GKAP1: variants seen among roughly 807,000 people sequenced by gnomAD.
GKAP1 encodes G kinase anchoring protein 1.
GKAP1 carries 31 observed loss-of-function variants against 56.7 expected under a neutral mutation model. The observed-to-expected ratio is 0.55, with a 90% CI of 0.41 to 0.74. The LOEUF is 0.74. GKAP1 is among the 30% of genes least tolerant of loss of function. GKAP1 has a pLI of 0.00. For synonymous variants in GKAP1, 151 were observed against 138.6 expected (o/e 1.09, Z -0.63); for missense variants, 364 against 402.3 (o/e 0.90, Z 0.82).
At chr9:83,776,386 A>T (rs1943862627) in intron 7 of GKAP1, among the ~76,000 whole-genome samples, 1 of 152,114 alleles carries the variant, frequency 6.6e-6, no homozygotes, top group South Asian at 2.1e-4. Flanking sequence ...TAATAACCTA[A>T]AAAAAAGAAA....
intron 10 of GKAP1, among the ~76,000 whole-genome samples, chr9:83,744,891 G>A (rs1564186898): frequency 6.6e-6 from 1 of 152,290 alleles, no homozygotes; most frequent in East Asian, 1.9e-4. Flanking sequence ...AAAGGGGGAA[G>A]CCTCTTATAA....
chr9:83,763,753 C>T (rs1265727557), intron 8 of GKAP1, among the ~76,000 whole-genome samples: 2 of 152,198 alleles, frequency 1.3e-5, no homozygotes, highest in South Asian at 4.1e-4. Context: ...TGAGTGCATA[C>T]TGTGGAAAAC....
chr9:83,792,911 C>A, intron 4 of GKAP1: 1 of 591,226 alleles, frequency 1.7e-6, no homozygotes, highest in Non-Finnish European at 2.3e-6. Context: ...GAGGAAATAG[C>A]AGGCACTAAA....
chr9:83,806,601 A>AC, intron 2 of GKAP1, 41 bp from the exon 3 acceptor site: 1 of 1,119,304 alleles, frequency 8.9e-7, no homozygotes. Context: ...GTAAACAAAC[A>AC]GAGTAAAATC....
Position 83,812,184 on chromosome 9 carries a change from T to TATATATATACAC in GKAP1, c.-44+4800_-44+4811dup, listed in dbSNP as rs553885518. 6.1e-3 allele frequency among the ~76,000 whole-genome samples: 911 copies of TATATATATACAC among 150,080 alleles called. 4 individuals are homozygous for TATATATATACAC. Among genetic ancestry groups the TATATATATACAC allele is most frequent in the South Asian group, 0.014 (65 of 4,776 alleles). ...AAATATTCTACAATGACTATATAAA[T>TATATATATACAC]ATATATATACACATATATATACACA... On this transcript the variant is annotated intron_variant, in intron 2 of 12. Coordinates refer to ENST00000376371, the MANE Select transcript of GKAP1 (RefSeq NM_025211.4).
intron 2 of GKAP1, among the ~76,000 whole-genome samples, chr9:83,815,034 T>C (rs368777885): frequency 6.6e-6 from 1 of 152,090 alleles, no homozygotes; most frequent in Non-Finnish European, 1.5e-5. Flanking sequence ...TAGCTGGGCA[T>C]GGTGGCGCAC....
chr9:83,777,346 C>G (rs968102878), intron 7 of GKAP1, among the ~76,000 whole-genome samples: 17 of 152,072 alleles, frequency 1.1e-4, no homozygotes, highest in Admixed American at 9.8e-4. Flanking sequence ...ATGAGATACC[C>G]TTCCTAACAG....
intron 8 of GKAP1, among the ~76,000 whole-genome samples, chr9:83,765,740 C>T (rs1031133285): frequency 6.6e-6 from 1 of 152,144 alleles, no homozygotes; most frequent in African/African-American, 2.4e-5. Context: ...GCCTGTAGCC[C>T]CTCTGTTTTG....
chr9:83,804,948 A>C (rs1250733250), intron 3 of GKAP1, among the ~76,000 whole-genome samples: 1 of 151,736 alleles, frequency 6.6e-6, no homozygotes, highest in Admixed American at 6.6e-5. Context: ...CTGCCCGGCC[A>C]CCACCCCATC....
chr9:83,797,895 A>G (rs1944273047), intron 4 of GKAP1, among the ~76,000 whole-genome samples: 2 of 152,236 alleles, frequency 1.3e-5, no homozygotes, highest in African/African-American at 4.8e-5. Flanking sequence ...CTAAACAAGT[A>G]GATCATCAAA....
chr9:83,784,021 T>A (rs1312014292), intron 6 of GKAP1, among the ~76,000 whole-genome samples: 1 of 149,782 alleles, frequency 6.7e-6, no homozygotes, highest in Admixed American at 6.6e-5. Context: ...TCCCAGCAGT[T>A]TGGGAGGCCA....
intron 11 of GKAP1, 38 bp downstream of exon 11, chr9:83,742,492 T>C: frequency 1.4e-6 from 2 of 1,397,854 alleles, no homozygotes; most frequent in Non-Finnish European, 2.0e-6. Flanking sequence ...TAAAGACAGC[T>C]TAAGAAAACC....
chr9:83,781,206 T>TA (rs1258780645), intron 6 of GKAP1, among the ~76,000 whole-genome samples: 1 of 151,948 alleles, frequency 6.6e-6, no homozygotes, highest in Non-Finnish European at 1.5e-5. Context: ...CTACTAAAAA[T>TA]AAAAAAACTA....
intron 10 of GKAP1, among the ~76,000 whole-genome samples, chr9:83,746,731 A>T (rs1316546474): frequency 6.6e-6 from 1 of 151,652 alleles, no homozygotes; most frequent in Non-Finnish European, 1.5e-5. Context: ...ATTTAAAAAA[A>T]TCACCTCTAG....
intron 10 of GKAP1, among the ~76,000 whole-genome samples, chr9:83,743,286 T>C (rs1247740533): frequency 6.6e-6 from 1 of 152,114 alleles, no homozygotes; most frequent in Non-Finnish European, 1.5e-5. Flanking sequence ...TATAAATACC[T>C]TGACTAATCT....
chr9:83,779,555 A>G lies in GKAP1; in HGVS notation c.585+827T>C, dbSNP rs201383060. ...TATGTGTATATATATACACGTGTAT[A>G]TGTGTATATATATACACACATATAT... is the stretch of plus-strand genomic sequence containing the variant. On this transcript the variant is annotated intron_variant, in intron 7 of 12. Coordinates refer to ENST00000376371, the MANE Select transcript of GKAP1 (RefSeq NM_025211.4). Among the ~76,000 whole-genome samples the G allele has an allele frequency of 2.2e-4, 26 of 116,726 alleles. No individual in the cohort carries two copies. The East Asian group carries it at 2.6e-3, about 12-fold the overall frequency. The allele number at this position is 116,726 out of a possible 152,430, so 76.6% of individuals were successfully genotyped here.
chr9:83,767,503 C>A (rs2160822), intron 8 of GKAP1, among the ~76,000 whole-genome samples: 77,195 of 150,936 alleles, frequency 0.51, 21,377 homozygotes, highest in Admixed American at 0.68. Flanking sequence ...GGACTACAGG[C>A]GCCCTCCACA....
intron 4 of GKAP1, among the ~76,000 whole-genome samples, chr9:83,796,910 T>G (rs1210901636): frequency 6.6e-6 from 1 of 152,234 alleles, no homozygotes; most frequent in East Asian, 1.9e-4. Context: ...TGATTTTTAT[T>G]AAAGCAAAAC....
At chr9:83,798,400 T>C (rs948459066) in intron 4 of GKAP1, among the ~76,000 whole-genome samples, 1 of 152,248 alleles carries the variant, frequency 6.6e-6, no homozygotes, top group African/African-American at 2.4e-5. Flanking sequence ...TATTTGGTTG[T>C]TAATGACATT....
Sources: gnomAD v4.1 joint callset for allele counts (sites outside exome capture counted in the v4.1 genomes callset) on GRCh38, gnomAD v4.1.1 for gene constraint, MANE v1.5 for transcripts, NCBI Gene and HGNC (gene_info 2026-07-23, HGNC 2026-07-21) for gene names.